POLDIP3: variants seen among roughly 807,000 people sequenced by gnomAD.
POLDIP3 encodes the protein polymerase delta-interacting protein 3.
POLDIP3 carries 14 observed loss-of-function variants against 45.1 expected under a neutral mutation model. That is an observed-to-expected ratio of 0.31 (90% CI 0.20 to 0.49). The LOEUF is 0.49. POLDIP3 is among the 20% of genes least tolerant of loss of function. The pLI is 0.99. For synonymous variants in POLDIP3, 223 were observed against 205.2 expected (o/e 1.09, Z -0.74); for missense variants, 511 against 538.8 (o/e 0.95, Z 0.51).
chr22:42,593,976 C>G (rs1925827623), intron 6 of POLDIP3, among the ~76,000 whole-genome samples: 1 of 152,172 alleles, frequency 6.6e-6, no homozygotes, highest in African/African-American at 2.4e-5. Flanking sequence ...TAAGATTTAA[C>G]CTCAGCTGGG....
In POLDIP3 at chr22:42,614,838, T is replaced by C; in HGVS notation, c.20A>G (p.Asp7Gly). Residue 7 changes from aspartate to glycine, a missense_variant, in exon 1 of 9, where the codon GAC becomes GGC. Coordinates refer to ENST00000252115, the MANE Select transcript of POLDIP3 (RefSeq NM_032311.5). Reference sequence around the variant, plus strand: ...CGCCCCGCGCTTCCTGATGAGTTCGTCCAGGGAGATGTCCGCCATCTTGCT... The same window carrying C: ...CGCCCCGCGCTTCCTGATGAGTTCGCCCAGGGAGATGTCCGCCATCTTGCT... The part of the protein sequence containing the change: MADISL[D>G]ELIRKRGAAA... The C allele has an allele frequency of 1.2e-6, 2 of 1,613,968 alleles. No individual in the cohort carries two copies. Among genetic ancestry groups the C allele is most frequent in the Non-Finnish European group, 1.7e-6 (2 of 1,179,928 alleles).
chr22:42,600,077 C>A (rs116965268), intron 3 of POLDIP3, among the ~76,000 whole-genome samples: 1 of 152,144 alleles, frequency 6.6e-6, no homozygotes, highest in Non-Finnish European at 1.5e-5. Flanking sequence ...TTCTTTATAT[C>A]CTTTGGCTTG....
chr22:42,608,034 C>T (rs1287846982), intron 1 of POLDIP3, among the ~76,000 whole-genome samples: 1 of 152,172 alleles, frequency 6.6e-6, no homozygotes, highest in Non-Finnish European at 1.5e-5. Flanking sequence ...GCCCCTCTGC[C>T]CGGCCGCCAC....
intron 1 of POLDIP3, among the ~76,000 whole-genome samples, chr22:42,613,225 C>T (rs978213595): frequency 6.6e-6 from 1 of 152,196 alleles, no homozygotes; most frequent in Non-Finnish European, 1.5e-5. Context: ...GGAGCCAGCA[C>T]CAGCTTCACA....
At chr22:42,605,698 T>C (rs1193799740) in intron 1 of POLDIP3, among the ~76,000 whole-genome samples, 1 of 152,040 alleles carries the variant, frequency 6.6e-6, no homozygotes, top group Non-Finnish European at 1.5e-5. Flanking sequence ...GAAGGGAGTG[T>C]TCAGGGGGTC....
chr22:42,612,159 T>C (rs531106873), intron 1 of POLDIP3, among the ~76,000 whole-genome samples: 1 of 152,218 alleles, frequency 6.6e-6, no homozygotes, highest in Non-Finnish European at 1.5e-5. Context: ...AATTGAATCA[T>C]GTTACTCCTT....
rs1223171543 is a variant in POLDIP3, at chr22:42,584,983, G to C, written c.*808C>G. On this transcript the variant is annotated 3_prime_UTR_variant, in exon 9 of 9. Coordinates refer to ENST00000252115, the MANE Select transcript of POLDIP3 (RefSeq NM_032311.5). ...GGCGGCTACACAAAACCAGGGTGTGGTTAAGTGCCAGGCGAGGTGAGAACC... is the reference window on the plus strand; with the variant it reads ...GGCGGCTACACAAAACCAGGGTGTGCTTAAGTGCCAGGCGAGGTGAGAACC... 2.2e-6 allele frequency: 1 copy of C among 456,332 alleles called. No individual in the cohort carries two copies. The highest frequency in any genetic ancestry group is 4.4e-6 in the Non-Finnish European group (1 of 226,972). The allele number at this position is 456,332 out of a possible 1,614,324, so 28.3% of individuals were successfully genotyped here.
chr22:42,590,240 G>C (rs1267369955), intron 7 of POLDIP3, among the ~76,000 whole-genome samples: 1 of 152,198 alleles, frequency 6.6e-6, no homozygotes, highest in African/African-American at 2.4e-5. Flanking sequence ...ACATTCCAGA[G>C]TGCAGTGGCA....
rs939526475 is a variant in POLDIP3, at chr22:42,607,970, T to G, written c.60-4810A>C. On this transcript the variant is annotated intron_variant, in intron 1 of 8. Transcript: ENST00000252115. Reference sequence around the variant, plus strand: ...GCCCCCGCACAGCCAGCCGCCCTGTTCGGGAGGTGGGGGGCGCCTCCACCC... The same window carrying G: ...GCCCCCGCACAGCCAGCCGCCCTGTGCGGGAGGTGGGGGGCGCCTCCACCC... 2.9e-5 allele frequency among the ~76,000 whole-genome samples: 4 copies of G among 138,792 alleles called. No individual in the cohort carries two copies. In the East Asian group the frequency reaches 8.9e-4, roughly 31 times the overall value. The allele number at this position is 138,792 out of a possible 152,430, so 91.1% of individuals were successfully genotyped here. A position where few individuals can be genotyped will look rare whatever the true frequency, so the allele number is the denominator to read the frequency against.
At chr22:42,614,687 T>G in intron 1 of POLDIP3, 112 bp downstream of exon 1, 1 of 1,220,928 alleles carries the variant, frequency 8.2e-7, no homozygotes, top group Non-Finnish European at 1.2e-6. Flanking sequence ...GCGGCTGTGG[T>G]CGGGGGCGGG....
chr22:42,608,710 C>T (rs1223937770), intron 1 of POLDIP3, among the ~76,000 whole-genome samples: 2 of 151,956 alleles, frequency 1.3e-5, no homozygotes, highest in African/African-American at 4.8e-5. Context: ...CAATGCCTGC[C>T]TGGCAGGAAG....
chr22:42,602,109 T>C (rs533742607), intron 2 of POLDIP3, 53 bp from the exon 3 acceptor site: 2 of 1,612,512 alleles, frequency 1.2e-6, no homozygotes, highest in Admixed American at 1.7e-5. Context: ...ATGCATTCTC[T>C]AGAAGAAGGG....
rs751181308 is a variant in POLDIP3 at position 42,585,513 on chromosome 22, G to A, written c.*278C>T. 6.9e-5 allele frequency: 31 copies of A among 448,650 alleles called. No homozygotes were observed. Among genetic ancestry groups the A allele is most frequent in the Non-Finnish European group, 1.1e-4 (28 of 243,746 alleles). The allele number at this position is 448,650 out of a possible 1,614,324, so 27.8% of individuals were successfully genotyped here. On this transcript the variant is annotated 3_prime_UTR_variant, in exon 9 of 9. Coordinates refer to ENST00000252115, the MANE Select transcript of POLDIP3 (RefSeq NM_032311.5). ...CATTTCCAGATAAGAAATCAGCTTG[G>A]GGCTGAGGCTCGGGGAGGCACACAC...
chr22:42,595,959 G>GA (rs1925958183), intron 5 of POLDIP3, among the ~76,000 whole-genome samples: 2 of 152,158 alleles, frequency 1.3e-5, no homozygotes, highest in Non-Finnish European at 1.5e-5. Flanking sequence ...GCTTTCTTCT[G>GA]AGAGAGTCTA....
chr22:42,605,061 G>GA (rs1327554496), intron 1 of POLDIP3, among the ~76,000 whole-genome samples: 9 of 152,288 alleles, frequency 5.9e-5, no homozygotes, highest in South Asian at 4.1e-4. Context: ...ATCAGACATG[G>GA]AATCTGCCAG....
At position 42,588,181 on chromosome 22, in the gene POLDIP3, C is replaced by T. The variant is rs529519694; in HGVS notation, c.1022-609G>A. Among the ~76,000 whole-genome samples, 34 of 152,230 alleles carry T rather than the reference C, an allele frequency of 2.2e-4. No homozygotes were observed. The South Asian group carries it at 6.2e-3, about 28-fold the overall frequency. ...AACAAAAAAGTAAAATGGGGCCGGG[C>T]GCGGTGGCTCACGCCTGTAATCCCA... On this transcript the variant is annotated intron_variant, in intron 7 of 8. Transcript: ENST00000252115.
chr22:42,605,350 A>G (rs1379165143), intron 1 of POLDIP3, among the ~76,000 whole-genome samples: 1 of 152,220 alleles, frequency 6.6e-6, no homozygotes, highest in Non-Finnish European at 1.5e-5. Context: ...GATGCTGTCG[A>G]TCTCCTGACC....
intron 4 of POLDIP3, chr22:42,597,625 A>C (rs1264947830): frequency 2.2e-6 from 1 of 451,182 alleles, no homozygotes; most frequent in East Asian, 7.0e-5. Context: ...CATGAGTATA[A>C]ATATGGCATT....
At chr22:42,593,738 C>T (rs1481548161) in intron 6 of POLDIP3, among the ~76,000 whole-genome samples, 2 of 152,236 alleles carry the variant, frequency 1.3e-5, no homozygotes, top group South Asian at 2.1e-4. Flanking sequence ...AGGCTGGTCT[C>T]GAACTCCTGA....
Sources: gnomAD v4.1 joint callset for allele counts (sites outside exome capture counted in the v4.1 genomes callset) on GRCh38, gnomAD v4.1.1 for gene constraint, MANE v1.5 for transcripts, NCBI Gene and HGNC (gene_info 2026-07-23, HGNC 2026-07-21) for gene names.